GNG7: variants seen among roughly 807,000 people sequenced by gnomAD.
The protein encoded by GNG7 is guanine nucleotide-binding protein G(I)/G(S)/G(O) subunit gamma-7.
A neutral mutation model predicts 4.0 loss-of-function variants in GNG7; 1 was observed. The observed-to-expected ratio is 0.25, with a 90% CI of 0.09 to 1.18. The LOEUF (loss-of-function observed/expected upper bound fraction) is 1.18, where lower values mean the gene tolerates loss of function less well. GNG7 is among the 50% of genes most tolerant of loss of function. The pLI, the probability that GNG7 is intolerant of heterozygous loss-of-function variation, is 0.50. For synonymous variants in GNG7, 34 were observed against 36.9 expected, an observed-to-expected ratio of 0.92 and a Z score of 0.29; for missense variants, 86 against 91.9, an observed-to-expected ratio of 0.94 and a Z score of 0.26.
At chr19:2,516,553 C>T (rs1402564111) in intron 4 of GNG7, among the ~76,000 whole-genome samples, 1 of 152,190 alleles carries the variant, frequency 6.6e-6, no homozygotes, top group African/African-American at 2.4e-5. Flanking sequence ...AAAGAAAAGG[C>T]TGAGCTTCCT....
intron 4 of GNG7, chr19:2,517,061 C>T (rs1347848844): frequency 6.6e-6 from 1 of 152,300 alleles, no homozygotes; most frequent in African/African-American, 2.4e-5. Flanking sequence ...ACTCAGCGAC[C>T]TTTCTCTCCT....
At chr19:2,636,822 G>A (rs1028491336) in intron 2 of GNG7, among the ~76,000 whole-genome samples, 2 of 152,088 alleles carry the variant, frequency 1.3e-5, no homozygotes, top group Admixed American at 6.5e-5. Flanking sequence ...AGCTTAAAGA[G>A]GGGCTCGGGG....
At chr19:2,533,971 T>C (rs946073223) in intron 3 of GNG7, among the ~76,000 whole-genome samples, 9 of 152,246 alleles carry the variant, frequency 5.9e-5, no homozygotes, top group African/African-American at 1.2e-4. Flanking sequence ...GAAGATGTTC[T>C]ATGCTTCTGC....
intron 3 of GNG7, 92 bp from the exon 4 acceptor site, chr19:2,520,817 T>C (rs968116201): frequency 1.6e-6 from 1 of 618,028 alleles, no homozygotes; most frequent in Non-Finnish European, 2.9e-6. Flanking sequence ...CCTTCCCGAC[T>C]CTAGGCACGG....
rs573699783 is a variant in GNG7, at chr19:2,653,795, C to T, written c.-134-7515G>A. ...GATGGTGCCCTTGAGGCCCAGGGCC[C>T]GTGTCCCCTCCTCACTCAGCCCTCC... On this transcript the variant is annotated intron_variant, in intron 1 of 4. Transcript: ENST00000382159. The surrounding 1 kb of genome is among the most constrained non-coding windows in gnomAD (Gnocchi z 4.8). Among the ~76,000 whole-genome samples the T allele has an allele frequency of 5.3e-5, 8 of 152,320 alleles. No homozygotes were observed. The East Asian group carries it at 5.8e-4, about 11-fold the overall frequency.
At chr19:2,620,364 C>G (rs1037414979) in intron 2 of GNG7, among the ~76,000 whole-genome samples, 5 of 151,880 alleles carry the variant, frequency 3.3e-5, no homozygotes, top group Non-Finnish European at 7.4e-5. Flanking sequence ...TCACTGCCCC[C>G]CTCACAAACC....
intron 2 of GNG7, among the ~76,000 whole-genome samples, chr19:2,581,809 T>C (rs1980513284): frequency 6.6e-6 from 1 of 152,130 alleles, no homozygotes; most frequent in South Asian, 2.1e-4. Context: ...AATATCAAGG[T>C]TTCACAAGGT....
intron 1 of GNG7, among the ~76,000 whole-genome samples, chr19:2,687,400 TGA>T (rs1162153059): frequency 1.3e-5 from 2 of 151,382 alleles, no homozygotes; most frequent in East Asian, 2.0e-4. Flanking sequence ...GTGGATCACC[TGA>T]GGTCAGGAGT....
intron 1 of GNG7, among the ~76,000 whole-genome samples, chr19:2,685,363 C>T (rs902539072): frequency 6.6e-6 from 1 of 152,054 alleles, no homozygotes; most frequent in Non-Finnish European, 1.5e-5. Context: ...GTGGGTCACA[C>T]CTGTAATCTC....
chr19:2,666,143 G>A (rs937946995), intron 1 of GNG7, among the ~76,000 whole-genome samples: 5 of 151,070 alleles, frequency 3.3e-5, no homozygotes, highest in South Asian at 2.1e-4. Flanking sequence ...CACCGTGCCC[G>A]GCTTATGTTT....
Position 2,634,589 on chromosome 19 carries a change from G to A in GNG7, c.-78+11635C>T, listed in dbSNP as rs1306831308. Among the ~76,000 whole-genome samples the A allele has an allele frequency of 6.6e-6, 1 of 152,156 alleles. No homozygotes were observed. Among genetic ancestry groups the A allele is most frequent in the Non-Finnish European group, 1.5e-5 (1 of 68,022 alleles). ...GCACAGCGCCCCGTAATTACTTGCGGGCTGCACACACGTTTTCTCTCGGGG... is the reference window on the plus strand; with the variant it reads ...GCACAGCGCCCCGTAATTACTTGCGAGCTGCACACACGTTTTCTCTCGGGG... On this transcript the variant is annotated intron_variant, in intron 2 of 4. Transcript: ENST00000382159. This position sits in a 1 kb window ranked among gnomAD's most constrained non-coding sequence, Gnocchi z 5.3.
intron 3 of GNG7, among the ~76,000 whole-genome samples, chr19:2,553,233 C>T (rs1011663601): frequency 1.3e-5 from 2 of 151,008 alleles, no homozygotes; most frequent in South Asian, 4.2e-4. Context: ...TCAGAGAACA[C>T]GGTAGCATTA....
At chr19:2,547,829 C>T (rs750133605) in intron 3 of GNG7, among the ~76,000 whole-genome samples, 14 of 152,320 alleles carry the variant, frequency 9.2e-5, no homozygotes, top group African/African-American at 2.2e-4. Flanking sequence ...AGGCAGCCCT[C>T]GGATGTGAAG....
chr19:2,621,879 C>G (rs1981882177), intron 2 of GNG7, among the ~76,000 whole-genome samples: 2 of 152,116 alleles, frequency 1.3e-5, no homozygotes, highest in South Asian at 4.1e-4. Context: ...GCTCTGCAGA[C>G]AGCTTGGTTT....
Position 2,546,284 on chromosome 19 carries a change from C to G in GNG7, c.-38+8865G>C, listed in dbSNP as rs892640049. Among the ~76,000 whole-genome samples the G allele has an allele frequency of 6.6e-6, 1 of 152,252 alleles. No individual in the cohort carries two copies. The highest frequency in any genetic ancestry group is 6.5e-5 in the Admixed American group (1 of 15,288). On this transcript the variant is annotated intron_variant, in intron 3 of 4. Transcript: ENST00000382159. This position sits in a 1 kb window ranked among gnomAD's most constrained non-coding sequence, Gnocchi z 6.3. Reference sequence around the variant, plus strand: ...GGTCTGCATGCAGAGACCCTGCACCCAGCGTGGGCACCCACCCTGCACCTG... The same window carrying G: ...GGTCTGCATGCAGAGACCCTGCACCGAGCGTGGGCACCCACCCTGCACCTG...
chr19:2,683,153 C>A (rs1444018807), intron 1 of GNG7, among the ~76,000 whole-genome samples: 1 of 151,964 alleles, frequency 6.6e-6, no homozygotes, highest in Non-Finnish European at 1.5e-5. Context: ...GCACGAGAAT[C>A]GCTTGAACCC....
At chr19:2,684,529 C>T (rs1041887231) in intron 1 of GNG7, among the ~76,000 whole-genome samples, 6 of 152,088 alleles carry the variant, frequency 3.9e-5, no homozygotes, top group African/African-American at 1.4e-4. Context: ...CATACACACC[C>T]CGGAGTATGA....
intron 3 of GNG7, among the ~76,000 whole-genome samples, chr19:2,553,753 A>C (rs987513601): frequency 6.7e-6 from 1 of 148,994 alleles, no homozygotes; most frequent in Non-Finnish European, 1.5e-5. Context: ...TATATTACAT[A>C]TATGCACATA....
At chr19:2,682,830 T>C (rs2144901066) in intron 1 of GNG7, among the ~76,000 whole-genome samples, 1 of 151,922 alleles carries the variant, frequency 6.6e-6, no homozygotes, top group South Asian at 2.1e-4. Flanking sequence ...GTAACTGCAA[T>C]GCTGGGGTGA....
Sources: gnomAD v4.1 joint callset for allele counts (sites outside exome capture counted in the v4.1 genomes callset) on GRCh38, gnomAD v4.1.1 for gene constraint, Gnocchi (gnomAD v3.1) non-coding constraint, MANE v1.5 for transcripts, NCBI Gene and HGNC (gene_info 2026-07-23, HGNC 2026-07-21) for gene names.